DAPK3: variants seen among roughly 807,000 people sequenced by gnomAD.
DAPK3 encodes the protein death associated protein kinase 3.
Under a neutral mutation model 30.6 loss-of-function variants are expected in DAPK3, and 24 were observed. The observed-to-expected ratio is 0.78, with a 90% confidence interval of 0.57 to 1.10. The LOEUF (loss-of-function observed/expected upper bound fraction) is 1.10, where lower values mean the gene tolerates loss of function less well. DAPK3 is among the 50% of genes least tolerant of loss of function. The probability of loss-of-function intolerance (pLI) is 0.00; values close to 1 mark genes in which losing one functional copy is unlikely to be tolerated. For synonymous variants in DAPK3, 341 were observed against 284.0 expected (o/e 1.20, Z -2.02); for missense variants, 629 against 657.3 (o/e 0.96, Z 0.47).
Position 3,958,536 on chromosome 19 carries a change from C to T in DAPK3, c.*565G>A. 2.2e-6 allele frequency: 1 copy of T among 456,702 alleles called. No individual in the cohort carries two copies. Among genetic ancestry groups the T allele is most frequent in the Non-Finnish European group, 4.4e-6 (1 of 227,428 alleles). 28.3% of individuals were successfully genotyped at this position (456,702 alleles called of 1,614,324 possible). A position where few individuals can be genotyped will look rare whatever the true frequency, so the allele number is the denominator to read the frequency against. On this transcript the variant is annotated 3_prime_UTR_variant, in exon 9 of 9. Coordinates refer to ENST00000545797, the MANE Select transcript of DAPK3 (RefSeq NM_001348.3). ...TCCACAGGCGCGACGATGGGGCTCG[C>T]GGAGGAGTCCGCAGCAGGGCACCCC...
rs533370572 is a variant in DAPK3, at chr19:3,964,881, C to T, written c.173G>A (p.Arg58Gln). Residue 58 changes from arginine to glutamine, a missense_variant, in exon 3 of 9, where the codon CGG (arginine) becomes CAG (glutamine). Around this residue, in one of 2 missense-constraint regions of DAPK3, gnomAD observed 306 missense variants for 378.5 expected, o/e 0.81. Transcript: ENST00000545797. Reference protein sequence around the residue: ...RLSSSRRGVSREEIEREVNIL... With the variant: ...RLSSSRRGVSQEEIEREVNIL... The stretch of plus-strand genomic sequence containing the variant: ...GTTCACCTCCCGCTCGATCTCCTCC[C>T]GGCTCACCCCACGCCGGCTGGATGA... 33 of 1,611,506 alleles carry T rather than the reference C, an allele frequency of 2.0e-5. No homozygotes were observed. Among genetic ancestry groups the T allele is most frequent in the African/African-American group, 5.3e-5 (4 of 74,922 alleles).
chr19:3,960,345 T>TGGAGGCCCGG (rs2145329105), intron 7 of DAPK3, among the ~76,000 whole-genome samples: 1 of 152,196 alleles, frequency 6.6e-6, no homozygotes, highest in Non-Finnish European at 1.5e-5. Flanking sequence ...TGGGCGGCCA[T>TGGAGGCCCGG]GGAGGCCCGG....
intron 8 of DAPK3, 58 bp downstream of exon 8, chr19:3,960,001 A>G (rs548082290): frequency 1.7e-5 from 16 of 944,124 alleles, no homozygotes; most frequent in South Asian, 7.7e-5. Flanking sequence ...GCCCCCCGGG[A>G]CCCCAGCGAG....
In DAPK3 at chr19:3,971,075, C is replaced by T. The variant is rs1437903183; in HGVS notation, c.-249G>A. On this transcript the variant is annotated 5_prime_UTR_variant, in exon 1 of 9. Coordinates refer to ENST00000545797, the MANE Select transcript of DAPK3 (RefSeq NM_001348.3). The stretch of plus-strand genomic sequence containing the variant: ...GCCGCCGCGCTGGCCACCGCCGCCG[C>T]CTCCAGAAGCCCCGCGCCCCTGCCG... 6.5e-6 allele frequency: 1 copy of T among 154,228 alleles called. No individual in the cohort carries two copies. Among genetic ancestry groups the T allele is most frequent in the Non-Finnish European group, 1.4e-5 (1 of 69,236 alleles). 9.6% of individuals were successfully genotyped at this position (154,228 alleles called of 1,614,324 possible). A position where few individuals can be genotyped will look rare whatever the true frequency, so the allele number is the denominator to read the frequency against.
intron 2 of DAPK3, among the ~76,000 whole-genome samples, chr19:3,965,412 T>A (rs2039567056): frequency 6.6e-6 from 1 of 150,746 alleles, no homozygotes; most frequent in Admixed American, 6.6e-5. Context: ...AGCTGAGGAG[T>A]TCAAGAGCAG....
intron 2 of DAPK3, 67 bp downstream of exon 2, chr19:3,969,607 T>C: frequency 1.0e-6 from 1 of 973,650 alleles, no homozygotes; most frequent in Non-Finnish European, 1.7e-6. Flanking sequence ...GGAGAGCTGC[T>C]GTTCAGAAAA....
intron 8 of DAPK3, 66 bp from the exon 9 acceptor site, chr19:3,959,703 C>A: frequency 6.8e-7 from 1 of 1,462,090 alleles, no homozygotes; most frequent in Non-Finnish European, 9.1e-7. Context: ...CCCCCACCTG[C>A]CAGTGTGAAC....
rs574161364 is a variant in DAPK3, at chr19:3,966,242, AC to A, written c.63-1252del. Among the ~76,000 whole-genome samples, 26 of 152,270 alleles carry A rather than the reference AC, an allele frequency of 1.7e-4. No individual in the cohort carries two copies. In the South Asian group the frequency reaches 5.4e-3, roughly 32 times the overall value. ...AGGAAGCAGACAGCTGCTGCTGGGT[AC>A]CGGGTTCCTGCGTGCCTACCTCCCG... is the stretch of plus-strand genomic sequence containing the variant. On this transcript the variant is annotated intron_variant, in intron 2 of 8. Coordinates refer to ENST00000545797, the MANE Select transcript of DAPK3 (RefSeq NM_001348.3).
In DAPK3 at chr19:3,959,172, G is replaced by GC; in HGVS notation, c.1293dup (p.Arg432AlafsTer145). The GC allele has an allele frequency of 6.3e-7, 1 of 1,595,728 alleles. No homozygotes were observed. Among genetic ancestry groups the GC allele is most frequent in the Non-Finnish European group, 8.5e-7 (1 of 1,175,950 alleles). ...GCGCGCACGAGGTCCTGCACGAAGC[G>GC]CATCTCGGAGGCTACTTGCTTGGCC... is the stretch of plus-strand genomic sequence containing the variant. On this transcript the variant is annotated frameshift_variant, in exon 9 of 9. Transcript: ENST00000545797. LOFTEE classifies it high-confidence loss of function.
At chr19:3,963,587 CG>C (rs2039541793) in intron 6 of DAPK3, 55 bp downstream of exon 6, 6 of 1,205,976 alleles carry the variant, frequency 5.0e-6, no homozygotes, top group Non-Finnish European at 7.0e-6. Flanking sequence ...CACACGGAGC[CG>C]GGGACCCATG....
chr19:3,964,837 G>A lies in DAPK3; in HGVS notation c.217C>T (p.His73Tyr), dbSNP rs141934386. Residue 73 changes from histidine (H) to tyrosine (Y), a missense_variant, in exon 3 of 9, where the codon CAC becomes TAC. By Grantham distance (83) the His-to-Tyr change is moderately conservative. Transcript: ENST00000545797. ...TCGTGCAGGGTGATGATGTTGGGGT[G>A]CCGGATCTCCCGCAGGATGTTCACC... ...REVNILREIR[H>Y]PNIITLHDIF... is the part of the protein sequence containing the mutation. The A allele has an allele frequency of 7.8e-5, 126 of 1,612,784 alleles. No homozygotes were observed. Among genetic ancestry groups the A allele is most frequent in the Non-Finnish European group, 1.0e-4 (119 of 1,179,140 alleles).
intron 2 of DAPK3, among the ~76,000 whole-genome samples, chr19:3,969,336 G>C (rs953152960): frequency 6.6e-6 from 1 of 151,954 alleles, no homozygotes; most frequent in Non-Finnish European, 1.5e-5. Context: ...TTGTAGGGAT[G>C]GAGTCTTGCT....
rs536048729 is a variant in DAPK3, at chr19:3,964,504, C to T, written c.423+127G>A. The T allele has an allele frequency of 7.3e-5, 93 of 1,276,212 alleles. No individual in the cohort carries two copies. In the Middle Eastern group the frequency reaches 8.5e-4, roughly 12 times the overall value. 79.1% of individuals were successfully genotyped at this position (1,276,212 alleles called of 1,614,324 possible). On this transcript the variant is annotated intron_variant, in intron 3 of 8. Transcript: ENST00000545797. The stretch of plus-strand genomic sequence containing the variant: ...TCCCCCAACCTCACCCCCACGCTCC[C>T]CAAACCTCACCCCCACGCTCCCCAC...
At position 3,959,295 on chromosome 19, in the gene DAPK3, G is replaced by A; in HGVS notation, c.1171C>T (p.Leu391Phe). ...LRQELLKTEA[L>F]KRQAQEEAKG... ...GCCTCCTCCTGCGCCTGCCGCTTGA[G>A]CGCCTCGGTCTTGAGCAGCTCCTGC... is the stretch of plus-strand genomic sequence containing the variant. Residue 391 changes from leucine to phenylalanine, a missense_variant, in exon 9 of 9, where the codon CTC becomes TTC. By Grantham distance (22) the Leu-to-Phe change is conservative. Around this residue, in one of 2 missense-constraint regions of DAPK3, gnomAD observed 323 missense variants for 278.8 expected, o/e 1.16. Coordinates refer to ENST00000545797, the MANE Select transcript of DAPK3 (RefSeq NM_001348.3). 6.3e-7 allele frequency: 1 copy of A among 1,596,896 alleles called. No individual in the cohort carries two copies.
Position 3,958,566 on chromosome 19 carries a change from C to G in DAPK3, c.*535G>C. On this transcript the variant is annotated 3_prime_UTR_variant, in exon 9 of 9. Transcript: ENST00000545797. Reference sequence around the variant, plus strand: ...GAGTCCGCAGCAGGGCACCCCACACCCGGGGGACCGGCCTCGGCGAGAAGG... The same window carrying G: ...GAGTCCGCAGCAGGGCACCCCACACGCGGGGGACCGGCCTCGGCGAGAAGG... 1 of 455,390 alleles carries G rather than the reference C, an allele frequency of 2.2e-6. No homozygotes were observed. Among genetic ancestry groups the G allele is most frequent in the Non-Finnish European group, 4.4e-6 (1 of 227,046 alleles). The allele number at this position is 455,390 out of a possible 1,614,324, so 28.2% of individuals were successfully genotyped here. A position where few individuals can be genotyped will look rare whatever the true frequency, so the allele number is the denominator to read the frequency against.
chr19:3,970,326 C>T (rs577045019), intron 1 of DAPK3, among the ~76,000 whole-genome samples: 1 of 152,214 alleles, frequency 6.6e-6, no homozygotes, highest in South Asian at 2.1e-4. Flanking sequence ...TGCAGTGGTG[C>T]AATCATGGCT....
intron 6 of DAPK3, 70 bp from the exon 7 acceptor site, chr19:3,961,231 C>T: frequency 3.1e-6 from 4 of 1,305,194 alleles, no homozygotes; most frequent in Non-Finnish European, 4.4e-6. Flanking sequence ...TCTCCGGCTG[C>T]CCACGACAGG....
chr19:3,961,226 G>A lies in DAPK3; in HGVS notation c.630-65C>T, dbSNP rs552503391. On this transcript the variant is annotated intron_variant, in intron 6 of 8. Transcript: ENST00000545797. ...CCCACCACGGCCGCGCCGCCTCTCC[G>A]GCTGCCCACGACAGGCGGAGCACAG... The A allele has an allele frequency of 2.3e-3, 3,158 of 1,359,162 alleles. 7 individuals carry two copies. The highest frequency in any genetic ancestry group is 3.8e-3 in the Middle Eastern group (21 of 5,548). 84.2% of individuals were successfully genotyped at this position (1,359,162 alleles called of 1,614,324 possible).
rs911868158 is a variant in DAPK3, at chr19:3,960,200, G to GC, written c.783-97dup. On this transcript the variant is annotated intron_variant, in intron 7 of 8. Transcript: ENST00000545797. ...CGGGACCCCCAAAAGCCCTAAAGTCGCCCCCCAGCCTCTGCTCAGCCAACC... is the reference window on the plus strand; with the variant it reads ...CGGGACCCCCAAAAGCCCTAAAGTCGCCCCCCCAGCCTCTGCTCAGCCAACC... 95 of 702,542 alleles carry GC rather than the reference G, an allele frequency of 1.4e-4. No homozygotes were observed. The East Asian group carries it at 2.3e-3, about 17-fold the overall frequency. 43.5% of individuals were successfully genotyped at this position (702,542 alleles called of 1,614,324 possible). A position where few individuals can be genotyped will look rare whatever the true frequency, so the allele number is the denominator to read the frequency against.
Sources: allele counts gnomAD v4.1 joint callset (sites outside exome capture counted in the v4.1 genomes callset), GRCh38; gene constraint gnomAD v4.1.1; regional missense constraint gnomAD v4.1.1; transcripts MANE v1.5; gene names NCBI Gene and HGNC (gene_info 2026-07-23, HGNC 2026-07-21).